GREB1L: variants seen among roughly 807,000 people sequenced by gnomAD.
The protein encoded by GREB1L is GREB1 like retinoic acid receptor coactivator.
A neutral mutation model predicts 200.8 loss-of-function variants in GREB1L; 17 were observed. The ratio of observed to expected loss-of-function variants is 0.08; its 90% confidence interval spans 0.06 to 0.13. The LOEUF is 0.13. Ranked by LOEUF, GREB1L falls within the 10% of genes least tolerant of loss-of-function variation. GREB1L has a pLI of 1.00. For synonymous variants in GREB1L, 789 were observed against 893.0 expected (o/e 0.88, Z 2.08); for missense variants, 1,657 against 2,367.7 (o/e 0.70, Z 6.23).
chr18:21,383,522 G>GTC lies in GREB1L; in HGVS notation c.4_5insTC (p.Gly2ValfsTer9). 1.3e-6 allele frequency: 2 copies of GTC among 1,530,856 alleles called. No homozygotes were observed. Among genetic ancestry groups the GTC allele is most frequent in the South Asian group, 1.3e-5 (1 of 79,914 alleles). 94.8% of individuals were successfully genotyped at this position (1,530,856 alleles called of 1,614,324 possible). On this transcript the variant is annotated frameshift_variant, in exon 3 of 33. Transcript: ENST00000424526. LOFTEE classifies it high-confidence loss of function. ...TGGGGATGGGTAGGTGTAGATCATGGGGAATTCATATGCTGGGCAACTGAA... is the reference window on the plus strand; with the variant it reads ...TGGGGATGGGTAGGTGTAGATCATGGTCGGAATTCATATGCTGGGCAACTGAA...
intron 32 of GREB1L, 102 bp downstream of exon 32, chr18:21,520,925 G>A: frequency 1.0e-5 from 10 of 997,214 alleles, no homozygotes; most frequent in Non-Finnish European, 1.4e-5. Context: ...GCCAGGCGCA[G>A]TGGCTCAACG....
intron 7 of GREB1L, among the ~76,000 whole-genome samples, chr18:21,419,550 A>G (rs1395774114): frequency 3.3e-5 from 5 of 152,162 alleles, no homozygotes; most frequent in Non-Finnish European, 5.9e-5. Flanking sequence ...CCTCCCTTCA[A>G]GGGATTCTCC....
At chr18:21,285,184 T>G (rs1030242174) in intron 1 of GREB1L, among the ~76,000 whole-genome samples, 17 of 152,158 alleles carry the variant, frequency 1.1e-4, no homozygotes, top group Admixed American at 3.3e-4. Context: ...ATTTTAAAAA[T>G]TTTCTGTTCA....
intron 13 of GREB1L, among the ~76,000 whole-genome samples, chr18:21,451,558 G>T (rs2034527718): frequency 8.1e-6 from 1 of 124,150 alleles, no homozygotes; most frequent in African/African-American, 3.0e-5. Context: ...CGTGATTATA[G>T]CTCACTGCTT....
At position 21,401,289 on chromosome 18, in the gene GREB1L, G is replaced by A. The variant is rs775952732; in HGVS notation, c.672G>A (p.Gln224=). 1.4e-5 allele frequency: 21 copies of A among 1,551,640 alleles called. No homozygotes were observed. The highest frequency in any genetic ancestry group is 1.7e-6 in the Non-Finnish European group (2 of 1,146,978). The part of the protein sequence containing the change: ...HLKYYLVRSS[Q]GVLSKGPLIC... ...AGTACTACCTAGTCAGAAGCTCCCAGGGTGTACTGTCTAAAGGACCTCTTA... is the reference window on the plus strand; with the variant it reads ...AGTACTACCTAGTCAGAAGCTCCCAAGGTGTACTGTCTAAAGGACCTCTTA... The change falls in exon 6 of 33, where the codon CAG becomes CAA. Residue 224 remains glutamine, a synonymous_variant. Coordinates refer to ENST00000424526, the MANE Select transcript of GREB1L (RefSeq NM_001142966.3).
At chr18:21,413,427 T>C (rs2031288806) in intron 7 of GREB1L, among the ~76,000 whole-genome samples, 1 of 152,216 alleles carries the variant, frequency 6.6e-6, no homozygotes, top group Non-Finnish European at 1.5e-5. Flanking sequence ...CAAAAGTTCC[T>C]CCAGCATGAT....
intron 11 of GREB1L, 89 bp from the exon 12 acceptor site, chr18:21,449,421 C>A: frequency 1.3e-6 from 1 of 750,832 alleles, no homozygotes; most frequent in Non-Finnish European, 2.1e-6. Flanking sequence ...GTATGATGGG[C>A]TGAGAAGGAC....
intron 15 of GREB1L, among the ~76,000 whole-genome samples, chr18:21,469,074 T>G (rs931682190): frequency 1.3e-5 from 2 of 152,236 alleles, no homozygotes; most frequent in African/African-American, 4.8e-5. Flanking sequence ...TAAAATCTTG[T>G]GGAAATATTT....
chr18:21,353,299 G>A (rs1452698392), intron 1 of GREB1L, among the ~76,000 whole-genome samples: 2 of 151,928 alleles, frequency 1.3e-5, no homozygotes, highest in African/African-American at 2.4e-5. Context: ...TTTCACTTAC[G>A]GATGGATTTG....
In GREB1L at chr18:21,452,226, A is replaced by G; in HGVS notation, c.1984+9A>G. ...TCCCACACAAAACCTGGGTAATGTCATCTCAGACCAAGAGGAGGAAGTCAG... is the reference window on the plus strand; with the variant it reads ...TCCCACACAAAACCTGGGTAATGTCGTCTCAGACCAAGAGGAGGAAGTCAG... On this transcript the variant is annotated intron_variant, in intron 14 of 32. Coordinates refer to ENST00000424526, the MANE Select transcript of GREB1L (RefSeq NM_001142966.3). 1.9e-6 allele frequency: 3 copies of G among 1,550,700 alleles called. No homozygotes were observed. Among genetic ancestry groups the G allele is most frequent in the Non-Finnish European group, 2.6e-6 (3 of 1,146,658 alleles).
At chr18:21,486,506 T>G (rs1598913745) in intron 18 of GREB1L, among the ~76,000 whole-genome samples, 2 of 152,282 alleles carry the variant, frequency 1.3e-5, no homozygotes, top group South Asian at 2.1e-4. Flanking sequence ...TATGAGAGAT[T>G]TGAAGTATAC....
chr18:21,401,710 C>A (rs745476622), intron 6 of GREB1L: 1 of 161,102 alleles, frequency 6.2e-6, no homozygotes, highest in African/African-American at 2.4e-5. Flanking sequence ...TCTATTTTAA[C>A]TAGACCTAAA....
chr18:21,389,340 T>TTTTTG (rs2040689999), intron 4 of GREB1L, among the ~76,000 whole-genome samples: 1 of 148,086 alleles, frequency 6.8e-6, no homozygotes, highest in South Asian at 2.2e-4. Context: ...TGGGTTTTTT[T>TTTTTG]TTTTTTTTTT....
intron 1 of GREB1L, among the ~76,000 whole-genome samples, chr18:21,290,742 T>C (rs1198262098): frequency 1.3e-5 from 2 of 151,258 alleles, no homozygotes; most frequent in African/African-American, 4.9e-5. Context: ...GAGAAATCGC[T>C]TGAACCTGGG....
At chr18:21,460,972 C>G (rs1203635949) in intron 15 of GREB1L, among the ~76,000 whole-genome samples, 1 of 151,680 alleles carries the variant, frequency 6.6e-6, no homozygotes. Context: ...TGGCATGCAC[C>G]TGTAATCCCA....
chr18:21,246,664 C>G (rs1433394190), intron 1 of GREB1L, among the ~76,000 whole-genome samples: 2 of 152,114 alleles, frequency 1.3e-5, no homozygotes, highest in African/African-American at 4.8e-5. Context: ...TTCCAATAGA[C>G]TTTTTTCAAA....
At chr18:21,282,744 C>T (rs531630278) in intron 1 of GREB1L, among the ~76,000 whole-genome samples, 8 of 151,998 alleles carry the variant, frequency 5.3e-5, no homozygotes, top group Non-Finnish European at 1.2e-4. Context: ...GGACTATAGG[C>T]GCCTGCCACC....
At chr18:21,327,260 C>T (rs2039036688) in intron 1 of GREB1L, among the ~76,000 whole-genome samples, 1 of 152,184 alleles carries the variant, frequency 6.6e-6, no homozygotes, top group Non-Finnish European at 1.5e-5. Context: ...ATACAAAGGG[C>T]AACACTCCCA....
At chr18:21,303,661 A>G (rs1294608469) in intron 1 of GREB1L, among the ~76,000 whole-genome samples, 3 of 152,168 alleles carry the variant, frequency 2.0e-5, no homozygotes, top group South Asian at 4.1e-4. Flanking sequence ...TTCCGGCCCT[A>G]TTGTCCTTAC....
Sources: gnomAD v4.1 joint callset for allele counts (sites outside exome capture counted in the v4.1 genomes callset) on GRCh38, gnomAD v4.1.1 for gene constraint, MANE v1.5 for transcripts, NCBI Gene and HGNC (gene_info 2026-07-23, HGNC 2026-07-21) for gene names.